The following SLC35F4 variants were observed in gnomAD, a reference collection of about 807,000 sequenced individuals.
SLC35F4 encodes solute carrier family 35 member F4.
A neutral mutation model predicts 44.2 loss-of-function variants in SLC35F4; 24 were observed. The observed-to-expected ratio is 0.54, with a 90% CI of 0.39 to 0.76. The LOEUF is 0.76. Ranked by LOEUF, SLC35F4 falls within the 30% of genes least tolerant of loss-of-function variation. The probability of loss-of-function intolerance (pLI) is 0.00; values close to 1 mark genes in which losing one functional copy is unlikely to be tolerated. For missense variants in SLC35F4, 562 were observed against 586.1 expected, an observed-to-expected ratio of 0.96 and a Z score of 0.42; for synonymous variants, 238 against 223.6, an observed-to-expected ratio of 1.06 and a Z score of -0.57.
At chr14:57,650,322 C>T (rs996094964) in intron 1 of SLC35F4, among the ~76,000 whole-genome samples, 9 of 152,106 alleles carry the variant, frequency 5.9e-5, no homozygotes, top group Non-Finnish European at 1.3e-4. Flanking sequence ...TTATCCCAAA[C>T]TTAAAAATGT....
Position 57,689,711 on chromosome 14 carries a change from G to T in SLC35F4, c.104-95587C>A, listed in dbSNP as rs574017262. The stretch of plus-strand genomic sequence containing the variant: ...ATGAGAACACTTGGACACAGGAAGG[G>T]GAACATCACACACCGGGGCCTGTTG... On this transcript the variant is annotated intron_variant, in intron 1 of 7. Coordinates refer to ENST00000556826, the MANE Select transcript of SLC35F4 (RefSeq NM_001306087.2). 2.0e-3 allele frequency among the ~76,000 whole-genome samples: 290 copies of T among 142,440 alleles called. 2 individuals are homozygous for T. The highest frequency in any genetic ancestry group is 7.1e-3 in the African/African-American group (277 of 38,792). The allele number at this position is 142,440 out of a possible 152,430, so 93.4% of individuals were successfully genotyped here.
At chr14:57,893,743 G>T (rs973905220) in intron 1 of SLC35F4, among the ~76,000 whole-genome samples, 3 of 152,052 alleles carry the variant, frequency 2.0e-5, no homozygotes, top group Non-Finnish European at 4.4e-5. Context: ...TGTTTTTCAG[G>T]TGCCCTGTTA....
At chr14:57,958,164 TCTC>T in intron 1 of SLC35F4, among the ~76,000 whole-genome samples, 1 of 152,030 alleles carries the variant, frequency 6.6e-6, no homozygotes, top group Non-Finnish European at 1.5e-5. Flanking sequence ...TTCACGCCGT[TCTC>T]CTGCCTCAGC....
At chr14:57,912,357 T>C (rs1439797085) in intron 1 of SLC35F4, among the ~76,000 whole-genome samples, 1 of 151,166 alleles carries the variant, frequency 6.6e-6, no homozygotes, top group Non-Finnish European at 1.5e-5. Flanking sequence ...TTATTGACTT[T>C]TATATTTTTA....
At chr14:57,813,939 G>A (rs1487118145) in intron 1 of SLC35F4, among the ~76,000 whole-genome samples, 6 of 152,190 alleles carry the variant, frequency 3.9e-5, no homozygotes, top group South Asian at 2.1e-4. Flanking sequence ...TTGTGGGGAC[G>A]CTTTAGGGTC....
At chr14:57,905,821 A>G (rs1179751298) in intron 1 of SLC35F4, among the ~76,000 whole-genome samples, 1 of 152,214 alleles carries the variant, frequency 6.6e-6, no homozygotes, top group African/African-American at 2.4e-5. Flanking sequence ...AGCAGATCAG[A>G]GAGGATGTGC....
chr14:57,798,021 T>C (rs996269669), intron 1 of SLC35F4, among the ~76,000 whole-genome samples: 3 of 142,736 alleles, frequency 2.1e-5, no homozygotes, highest in Non-Finnish European at 1.5e-5. Flanking sequence ...CAGTCTGAAC[T>C]CCAGAAAAGA....
At chr14:57,684,788 T>G (rs985419729) in intron 1 of SLC35F4, among the ~76,000 whole-genome samples, 1 of 152,178 alleles carries the variant, frequency 6.6e-6, no homozygotes, top group Non-Finnish European at 1.5e-5. Flanking sequence ...TGAAGAGTGA[T>G]TTTCCAGGCA....
chr14:57,930,536 G>A (rs566211988), intron 1 of SLC35F4, among the ~76,000 whole-genome samples: 7 of 152,070 alleles, frequency 4.6e-5, no homozygotes, highest in South Asian at 2.1e-4. Flanking sequence ...TCTCTCTCCC[G>A]CTCTAAGGTG....
At chr14:57,570,516 G>GT (rs1382221347) in intron 5 of SLC35F4, among the ~76,000 whole-genome samples, 1 of 152,142 alleles carries the variant, frequency 6.6e-6, no homozygotes, top group Non-Finnish European at 1.5e-5. Context: ...TTAAAAAGCA[G>GT]TTTTTATATA....
In SLC35F4 at chr14:57,834,231, G is replaced by A. The variant is rs966782286; in HGVS notation, c.103+31492C>T. 3.9e-5 allele frequency among the ~76,000 whole-genome samples: 6 copies of A among 152,190 alleles called. No individual in the cohort carries two copies. The South Asian group carries it at 1.0e-3, about 26-fold the overall frequency. ...AGTTGGTAAAAATTGAGAAAGAGTG[G>A]GTACTGAGAAGTAAAATCTGTTTCA... On this transcript the variant is annotated intron_variant, in intron 1 of 7. Coordinates refer to ENST00000556826, the MANE Select transcript of SLC35F4 (RefSeq NM_001306087.2).
chr14:57,632,483 T>C (rs1444727265), intron 1 of SLC35F4, among the ~76,000 whole-genome samples: 1 of 152,058 alleles, frequency 6.6e-6, no homozygotes, highest in African/African-American at 2.4e-5. Flanking sequence ...TCTTAAAAAA[T>C]AGACTGTATT....
intron 1 of SLC35F4, among the ~76,000 whole-genome samples, chr14:57,886,878 C>T (rs554051529): frequency 5.8e-4 from 88 of 152,188 alleles, no homozygotes; most frequent in African/African-American, 2.0e-3. Context: ...TAGGAAGTGT[C>T]GAGAAGGAAA....
intron 1 of SLC35F4, among the ~76,000 whole-genome samples, chr14:57,915,681 C>A (rs1451408759): frequency 7.0e-6 from 1 of 141,878 alleles, no homozygotes; most frequent in African/African-American, 2.6e-5. Flanking sequence ...ACAAGGATGG[C>A]CTTTACTTGA....
chr14:57,792,851 G>A (rs558953751), intron 1 of SLC35F4, among the ~76,000 whole-genome samples: 10 of 148,000 alleles, frequency 6.8e-5, no homozygotes, highest in Admixed American at 2.7e-4. Context: ...TGGGTGTACC[G>A]AAATCTCAGA....
chr14:57,815,079 A>G (rs1882411033), intron 1 of SLC35F4, among the ~76,000 whole-genome samples: 1 of 152,202 alleles, frequency 6.6e-6, no homozygotes, highest in Non-Finnish European at 1.5e-5. Context: ...CTACAACTGC[A>G]GAGTTAACTA....
chr14:57,683,927 G>A (rs2074987903), intron 1 of SLC35F4, among the ~76,000 whole-genome samples: 1 of 152,044 alleles, frequency 6.6e-6, no homozygotes, highest in Non-Finnish European at 1.5e-5. Flanking sequence ...GCCATCTGAT[G>A]GTGGGAGTTG....
At chr14:57,573,016 A>T (rs188694409) in intron 4 of SLC35F4, among the ~76,000 whole-genome samples, 139 of 152,346 alleles carry the variant, frequency 9.1e-4, no homozygotes, top group African/African-American at 3.2e-3. Flanking sequence ...TTCAGTTCTG[A>T]GTATTCCCAA....
chr14:57,597,322 T>C (rs1566663603), intron 1 of SLC35F4, among the ~76,000 whole-genome samples: 3 of 152,182 alleles, frequency 2.0e-5, no homozygotes, highest in Non-Finnish European at 2.9e-5. Flanking sequence ...ACCTGACCCA[T>C]AGCAGTGGGG....
Sources: allele counts gnomAD v4.1 joint callset (sites outside exome capture counted in the v4.1 genomes callset), GRCh38; gene constraint gnomAD v4.1.1; transcripts MANE v1.5; gene names NCBI Gene and HGNC (gene_info 2026-07-23, HGNC 2026-07-21).